The following ZNF385D variants were observed in gnomAD, a reference collection of about 807,000 sequenced individuals.
The protein encoded by ZNF385D is zinc finger protein 659.
ZNF385D carries 15 observed loss-of-function variants against 35.8 expected under a neutral mutation model. The observed-to-expected ratio is 0.42, with a 90% CI of 0.28 to 0.64. ZNF385D has a LOEUF of 0.64. Ranked by LOEUF, ZNF385D falls within the 30% of genes least tolerant of loss-of-function variation. The pLI, the probability that ZNF385D is intolerant of heterozygous loss-of-function variation, is 0.23. For synonymous variants in ZNF385D, 212 were observed against 186.8 expected (o/e 1.13, Z -1.10); for missense variants, 474 against 494.6 (o/e 0.96, Z 0.39).
chr3:21,822,651 T>C (rs558375756), intron 3 of ZNF385D, among the ~76,000 whole-genome samples: 1 of 152,290 alleles, frequency 6.6e-6, no homozygotes, highest in Non-Finnish European at 1.5e-5. Context: ...ATACTGGCAT[T>C]ATTAAAGATC....
At chr3:21,725,104 G>A (rs980576819) in intron 1 of ZNF385D, among the ~76,000 whole-genome samples, 10 of 152,002 alleles carry the variant, frequency 6.6e-5, no homozygotes, top group African/African-American at 2.2e-4. Flanking sequence ...ACAAAATGAG[G>A]GCAGAAATAA....
At chr3:21,569,546 C>T (rs888332390) in intron 2 of ZNF385D, among the ~76,000 whole-genome samples, 1 of 150,666 alleles carries the variant, frequency 6.6e-6, no homozygotes, top group Non-Finnish European at 1.5e-5. Flanking sequence ...TTAATTGGAG[C>T]ATTTAGTCCA....
At chr3:22,125,649 G>A (rs1703382993) in intron 3 of ZNF385D, among the ~76,000 whole-genome samples, 1 of 151,752 alleles carries the variant, frequency 6.6e-6, no homozygotes, top group Non-Finnish European at 1.5e-5. Context: ...TCACATTTTT[G>A]GTTAAGTTTA....
At chr3:21,428,947 C>CTTTTTTTTTTTTT (rs1575127423) in intron 5 of ZNF385D, among the ~76,000 whole-genome samples, 3 of 53,334 alleles carry the variant, frequency 5.6e-5, no homozygotes, top group African/African-American at 6.2e-5. Context: ...TTTTTTTTTG[C>CTTTTTTTTTTTTT]TTTCTGCTTA....
chr3:22,352,427 C>T (rs925199479), intron 2 of ZNF385D, among the ~76,000 whole-genome samples: 4 of 152,164 alleles, frequency 2.6e-5, no homozygotes, highest in African/African-American at 4.8e-5. Context: ...GTGCATGACA[C>T]GGTGTGACTG....
In ZNF385D at chr3:21,436,963, A is replaced by C. The variant is rs1701584016; in HGVS notation, c.673+7T>G. ...GTTGAAACAAAAAAGAAATCGCTGC[A>C]TCTCACCACTGTTGTGCGCCTCCAG... is the stretch of plus-strand genomic sequence containing the variant. On this transcript the variant is annotated splice_region_variant and intron_variant, in intron 5 of 7. Coordinates refer to ENST00000281523, the MANE Select transcript of ZNF385D (RefSeq NM_024697.3). 1 of 1,611,290 alleles carries C rather than the reference A, an allele frequency of 6.2e-7. No homozygotes were observed. The highest frequency in any genetic ancestry group is 1.7e-5 in the Admixed American group (1 of 59,614).
At chr3:22,163,985 A>G (rs1415752236) in intron 3 of ZNF385D, among the ~76,000 whole-genome samples, 1 of 152,188 alleles carries the variant, frequency 6.6e-6, no homozygotes, top group Non-Finnish European at 1.5e-5. Flanking sequence ...TAAACAAATG[A>G]CCACTAATAA....
At chr3:21,664,114 A>C (rs1440868199) in intron 2 of ZNF385D, among the ~76,000 whole-genome samples, 1 of 150,426 alleles carries the variant, frequency 6.6e-6, no homozygotes, top group South Asian at 2.1e-4. Context: ...ATAATATTAA[A>C]AAAAAAAAAA....
chr3:22,132,032 T>C (rs1703827318), intron 3 of ZNF385D, among the ~76,000 whole-genome samples: 1 of 152,086 alleles, frequency 6.6e-6, no homozygotes. Context: ...ATAACTAGAG[T>C]TGACATTTTG....
chr3:21,872,364 ATTC>A (rs1479121171), intron 3 of ZNF385D, among the ~76,000 whole-genome samples: 1 of 152,134 alleles, frequency 6.6e-6, no homozygotes, highest in Non-Finnish European at 1.5e-5. Context: ...CTTTTCTATT[ATTC>A]TTATATTCCT....
chr3:21,995,476 C>G (rs530390118), intron 3 of ZNF385D, among the ~76,000 whole-genome samples: 1 of 152,148 alleles, frequency 6.6e-6, no homozygotes, highest in East Asian at 1.9e-4. Context: ...TGACCCATCT[C>G]CAGGCCCCCT....
chr3:22,164,457 G>A (rs1479515527), intron 3 of ZNF385D, among the ~76,000 whole-genome samples: 1 of 151,670 alleles, frequency 6.6e-6, no homozygotes, highest in Non-Finnish European at 1.5e-5. Flanking sequence ...TCGATCTCTT[G>A]ACCTCGTGAT....
chr3:22,345,456 A>G (rs976062684), intron 2 of ZNF385D, among the ~76,000 whole-genome samples: 5 of 152,236 alleles, frequency 3.3e-5, no homozygotes, highest in Admixed American at 2.6e-4. Flanking sequence ...TTAAGCAAAT[A>G]CCTTAGATTA....
chr3:22,066,630 G>T (rs772754311), intron 3 of ZNF385D, among the ~76,000 whole-genome samples: 1 of 151,300 alleles, frequency 6.6e-6, no homozygotes, highest in Non-Finnish European at 1.5e-5. Context: ...GCACCAGTGA[G>T]AATTATAAGA....
chr3:22,071,580 T>C (rs950824277), intron 3 of ZNF385D, among the ~76,000 whole-genome samples: 1 of 152,186 alleles, frequency 6.6e-6, no homozygotes, highest in African/African-American at 2.4e-5. Context: ...TGCTCCTCAC[T>C]TTCCCTGTAA....
At chr3:21,496,376 A>G (rs1174836006) in intron 4 of ZNF385D, among the ~76,000 whole-genome samples, 4 of 146,138 alleles carry the variant, frequency 2.7e-5, no homozygotes, top group Non-Finnish European at 6.0e-5. Context: ...ATACACACAT[A>G]TATTTGATAT....
chr3:22,359,725 C>T (rs112720876), intron 2 of ZNF385D, among the ~76,000 whole-genome samples: 1,555 of 151,788 alleles, frequency 0.01, 20 homozygotes, highest in African/African-American at 0.031. Context: ...TTTGAGATAA[C>T]GGGAATGCCA....
intron 2 of ZNF385D, among the ~76,000 whole-genome samples, chr3:22,334,810 T>G (rs7613837): frequency 0.54 from 82,746 of 152,012 alleles, 23,191 homozygotes; most frequent in African/African-American, 0.66. Flanking sequence ...TCTGGTTAGC[T>G]TTTATAGGAC....
chr3:21,915,087 A>AT lies in ZNF385D; in HGVS notation c.326-250060dup, dbSNP rs915148156. On this transcript the variant is annotated intron_variant, in intron 3 of 5. Transcript: ENST00000494108. ...AGAAATAGAAAAAAAAAAGAGTTGG[A>AT]TTTTTTTAACACCTTACATACTTCT... 2.1e-4 allele frequency among the ~76,000 whole-genome samples: 32 copies of AT among 151,434 alleles called. No homozygotes were observed. In the East Asian group the frequency reaches 2.9e-3, roughly 14 times the overall value.
Sources: allele counts gnomAD v4.1 joint callset (sites outside exome capture counted in the v4.1 genomes callset), GRCh38; gene constraint gnomAD v4.1.1; transcripts MANE v1.5; gene names NCBI Gene and HGNC (gene_info 2026-07-23, HGNC 2026-07-21).